The following DLG2 variants were observed in gnomAD, a reference collection of about 807,000 sequenced individuals.
The protein encoded by DLG2 is discs large MAGUK scaffold protein 2, also known as disks large homolog 2.
Under a neutral mutation model 132.5 loss-of-function variants are expected in DLG2, and 45 were observed. The ratio of observed to expected loss-of-function variants is 0.34; its 90% CI spans 0.27 to 0.44. DLG2 has a LOEUF of 0.44. Ranked by LOEUF, DLG2 falls within the 20% of genes least tolerant of loss-of-function variation. The pLI is 1.00. For synonymous variants in DLG2, 424 were observed against 419.6 expected, an observed-to-expected ratio of 1.01 and a Z score of -0.13; for missense variants, 1,045 against 1,196.9, an observed-to-expected ratio of 0.87 and a Z score of 1.87.
intron 6 of DLG2, among the ~76,000 whole-genome samples, chr11:85,026,096 C>A (rs753867587): frequency 1.3e-5 from 2 of 151,456 alleles, no homozygotes; most frequent in Non-Finnish European, 3.0e-5. Context: ...ATATCAGAAG[C>A]CAAAAAGAAA....
intron 7 of DLG2, among the ~76,000 whole-genome samples, chr11:84,529,906 T>C (rs772625488): frequency 3.3e-5 from 5 of 152,076 alleles, no homozygotes; most frequent in Admixed American, 1.3e-4. Context: ...TACAGGGCTA[T>C]AGTAACCAAA....
chr11:83,658,356 A>G (rs1183030292), intron 18 of DLG2, among the ~76,000 whole-genome samples: 1 of 152,238 alleles, frequency 6.6e-6, no homozygotes, highest in Non-Finnish European at 1.5e-5. Flanking sequence ...TAGATGAGAG[A>G]AGAAAAATTC....
chr11:83,953,392 T>C (rs2154149236), intron 14 of DLG2, among the ~76,000 whole-genome samples: 1 of 152,292 alleles, frequency 6.6e-6, no homozygotes, highest in East Asian at 1.9e-4. Flanking sequence ...GAGCGAACCC[T>C]ACTGTGAACT....
chr11:83,482,519 A>G (rs893439904), intron 22 of DLG2, among the ~76,000 whole-genome samples: 15 of 152,108 alleles, frequency 9.9e-5, no homozygotes, highest in African/African-American at 3.6e-4. Flanking sequence ...AAATACATGA[A>G]CAATTAGAAA....
At chr11:83,920,448 C>A (rs908897598) in intron 15 of DLG2, among the ~76,000 whole-genome samples, 1 of 152,058 alleles carries the variant, frequency 6.6e-6, no homozygotes, top group African/African-American at 2.4e-5. Context: ...CTTGCACAGC[C>A]CTTCCCCCAT....
chr11:83,497,305 G>T (rs2094196602), intron 21 of DLG2, among the ~76,000 whole-genome samples: 1 of 152,196 alleles, frequency 6.6e-6, no homozygotes, highest in Admixed American at 6.5e-5. Flanking sequence ...CACTTTGGGA[G>T]GCCAAGGTAG....
In DLG2 at chr11:84,190,118, TAGCC is replaced by T. The variant is rs1391860300; in HGVS notation, c.574-26611_574-26608del. Among the ~76,000 whole-genome samples the T allele has an allele frequency of 3.3e-5, 5 of 151,356 alleles. No homozygotes were observed. In the East Asian group the frequency reaches 9.7e-4, roughly 29 times the overall value. On this transcript the variant is annotated intron_variant, in intron 8 of 27. Coordinates refer to ENST00000376104, the MANE Select transcript of DLG2 (RefSeq NM_001142699.3). Reference sequence around the variant, plus strand: ...ATAGCCCTGTTTGACTTAAAGGAAGTAGCCAGATAAAGGTCTTGCACAAGTGATA... The same window carrying T: ...ATAGCCCTGTTTGACTTAAAGGAAGTAGATAAAGGTCTTGCACAAGTGATA...
chr11:83,532,606 G>A (rs2095782055), intron 21 of DLG2, 102 bp downstream of exon 21: 3 of 917,894 alleles, frequency 3.3e-6, no homozygotes, highest in Non-Finnish European at 3.6e-6. Context: ...CTACTGTCTG[G>A]TACCTTCATA....
chr11:84,511,272 C>T (rs1388862235), intron 7 of DLG2, among the ~76,000 whole-genome samples: 1 of 151,736 alleles, frequency 6.6e-6, no homozygotes, highest in Non-Finnish European at 1.5e-5. Flanking sequence ...AAATGTTATT[C>T]TATTCTTACT....
chr11:83,535,367 C>T (rs945620524), intron 20 of DLG2, among the ~76,000 whole-genome samples: 1 of 152,130 alleles, frequency 6.6e-6, no homozygotes, highest in Non-Finnish European at 1.5e-5. Flanking sequence ...ACACAGGTTC[C>T]AAACATACAG....
chr11:85,589,338 C>G (rs1484760259), intron 3 of DLG2, among the ~76,000 whole-genome samples: 1 of 152,106 alleles, frequency 6.6e-6, no homozygotes, highest in East Asian at 1.9e-4. Flanking sequence ...AGAGCACCAG[C>G]TGTGATAGAA....
intron 11 of DLG2, among the ~76,000 whole-genome samples, chr11:83,987,466 C>A (rs868513250): frequency 6.6e-6 from 1 of 152,094 alleles, no homozygotes; most frequent in Non-Finnish European, 1.5e-5. Flanking sequence ...GCTACAGTAA[C>A]CAAAACAGCA....
At chr11:84,880,570 T>G (rs1358524620) in intron 6 of DLG2, among the ~76,000 whole-genome samples, 2 of 152,170 alleles carry the variant, frequency 1.3e-5, no homozygotes, top group Non-Finnish European at 2.9e-5. Flanking sequence ...ATGCTTATGC[T>G]ACAGATGATG....
At chr11:85,578,215 A>G (rs1290991942) in intron 3 of DLG2, among the ~76,000 whole-genome samples, 3 of 152,042 alleles carry the variant, frequency 2.0e-5, no homozygotes, top group Non-Finnish European at 2.9e-5. Flanking sequence ...CAAACCCCCT[A>G]CTTATACTAT....
chr11:84,508,747 C>T (rs985527371), intron 7 of DLG2, among the ~76,000 whole-genome samples: 5 of 152,172 alleles, frequency 3.3e-5, no homozygotes, highest in African/African-American at 1.2e-4. Context: ...CACTTACCAT[C>T]ATCTGACATT....
At chr11:85,379,367 G>T (rs1193192246) in intron 3 of DLG2, among the ~76,000 whole-genome samples, 3 of 152,118 alleles carry the variant, frequency 2.0e-5, no homozygotes, top group African/African-American at 7.2e-5. Flanking sequence ...CATGTGATAT[G>T]AAAGTCACCA....
intron 6 of DLG2, among the ~76,000 whole-genome samples, chr11:84,771,912 C>G (rs965248843): frequency 3.9e-5 from 6 of 152,066 alleles, no homozygotes; most frequent in African/African-American, 1.4e-4. Context: ...AGTAGCATTT[C>G]TAAACACAAA....
intron 19 of DLG2, among the ~76,000 whole-genome samples, chr11:83,592,374 G>C (rs1217648347): frequency 1.8e-4 from 27 of 147,458 alleles, no homozygotes; most frequent in African/African-American, 6.4e-4. Context: ...ACAAACCTGA[G>C]AAAAACAAGC....
intron 3 of DLG2, among the ~76,000 whole-genome samples, chr11:85,517,160 A>G (rs1305767675): frequency 2.6e-5 from 4 of 152,162 alleles, no homozygotes. Context: ...TATAAAGATA[A>G]TTAAAATCAA....
Sources: gnomAD v4.1 joint callset for allele counts (sites outside exome capture counted in the v4.1 genomes callset) on GRCh38, gnomAD v4.1.1 for gene constraint, MANE v1.5 for transcripts, NCBI Gene and HGNC (gene_info 2026-07-23, HGNC 2026-07-21) for gene names.